The following FGGY variants were observed in gnomAD, a reference collection of about 807,000 sequenced individuals.
FGGY encodes FGGY carbohydrate kinase domain containing, also known as FGGY carbohydrate kinase domain-containing protein.
Under a neutral mutation model 71.3 loss-of-function variants are expected in FGGY, and 72 were observed. The observed-to-expected ratio is 1.01, with a 90% CI of 0.84 to 1.23. The LOEUF (loss-of-function observed/expected upper bound fraction) is 1.23. Ranked by LOEUF, FGGY falls within the 50% of genes most tolerant of loss-of-function variation. The pLI is 0.00. For synonymous variants in FGGY, 251 were observed against 250.3 expected (o/e 1.00, Z -0.02); for missense variants, 668 against 682.3 (o/e 0.98, Z 0.23).
At position 59,499,299 on chromosome 1, in the gene FGGY, G is replaced by GTTTTTTTTTTTTTTT. The variant is rs58170089; in HGVS notation, c.671-13010_671-12996dup. ...ACTGAACCCTATGTATACTATGTTT[G>GTTTTTTTTTTTTTTT]TTTTTTTTTTTTTTTTGATCTGGTA... On this transcript the variant is annotated intron_variant, in intron 6 of 15. Transcript: ENST00000303721. Among the ~76,000 whole-genome samples the GTTTTTTTTTTTTTTT allele has an allele frequency of 4.3e-3, 454 of 105,718 alleles. 43 individuals are homozygous for GTTTTTTTTTTTTTTT. Among genetic ancestry groups the GTTTTTTTTTTTTTTT allele is most frequent in the African/African-American group, 9.7e-3 (248 of 25,446 alleles). The allele number at this position is 105,718 out of a possible 152,430, so 69.4% of individuals were successfully genotyped here. A position where few individuals can be genotyped will look rare whatever the true frequency, so the allele number is the denominator to read the frequency against.
chr1:59,362,945 A>C (rs544948702), intron 4 of FGGY, among the ~76,000 whole-genome samples: 2 of 152,322 alleles, frequency 1.3e-5, no homozygotes, highest in South Asian at 4.1e-4. Context: ...TTGCAAAGTC[A>C]AGAAATATTT....
intron 3 of FGGY, among the ~76,000 whole-genome samples, chr1:59,340,820 C>T (rs1229649996): frequency 1.3e-5 from 2 of 152,082 alleles, no homozygotes; most frequent in Non-Finnish European, 2.9e-5. Context: ...TGAGAAAAAC[C>T]ACTGCACCTG....
chr1:59,545,405 T>C (rs2095505608), intron 7 of FGGY, among the ~76,000 whole-genome samples: 1 of 152,188 alleles, frequency 6.6e-6, no homozygotes, highest in Non-Finnish European at 1.5e-5. Flanking sequence ...GTGAGTTAAC[T>C]TGGCTGTTTG....
At position 59,543,684 on chromosome 1, in the gene FGGY, AT is replaced by A. The variant is rs772974797; in HGVS notation, c.800-10432del. Among the ~76,000 whole-genome samples, 300 of 151,538 alleles carry A rather than the reference AT, an allele frequency of 2.0e-3. 3 individuals are homozygous for A. The highest frequency in any genetic ancestry group is 2.8e-3 in the Non-Finnish European group (192 of 67,894). ...GAAGAGAGCTAGCCTGCTAATTAAT[AT>A]TTTTTTTCCTTAAATTTCAGGCTTT... On this transcript the variant is annotated intron_variant, in intron 7 of 15. Coordinates refer to ENST00000303721, the MANE Select transcript of FGGY (RefSeq NM_018291.5).
chr1:59,709,232 G>A (rs1300410271), intron 14 of FGGY, among the ~76,000 whole-genome samples: 3 of 152,162 alleles, frequency 2.0e-5, no homozygotes, highest in Non-Finnish European at 4.4e-5. Flanking sequence ...CAATCATGGT[G>A]GAAGGTAAAG....
At chr1:59,461,058 C>T (rs570772132) in intron 6 of FGGY, among the ~76,000 whole-genome samples, 34 of 152,246 alleles carry the variant, frequency 2.2e-4, no homozygotes, top group South Asian at 8.3e-4. Context: ...CAAAGCTGGA[C>T]GGAGAATGAC....
chr1:59,317,470 A>G (rs1047739696), intron 1 of FGGY, among the ~76,000 whole-genome samples: 8 of 152,334 alleles, frequency 5.3e-5, no homozygotes, highest in South Asian at 2.1e-4. Flanking sequence ...TTTACTTTAC[A>G]AACTAGAAAA....
intron 5 of FGGY, among the ~76,000 whole-genome samples, chr1:59,423,319 CT>C (rs2065776467): frequency 1.3e-5 from 2 of 151,834 alleles, no homozygotes; most frequent in African/African-American, 4.8e-5. Context: ...TCACCCATAT[CT>C]GATTTTTTTT....
Position 59,626,016 on chromosome 1 carries a change from C to A in FGGY, c.1040C>A (p.Ala347Asp), listed in dbSNP as rs768108754. 1 of 1,613,554 alleles carries A rather than the reference C, an allele frequency of 6.2e-7. No homozygotes were observed. The highest frequency in any genetic ancestry group is 2.2e-5 in the East Asian group (1 of 44,858). ...LIDHMVQGHA[A>D]FPELQVKATA... Reference sequence around the variant, plus strand: ...GACCACATGGTACAAGGCCATGCTGCTTTTCCAGAACTACAAGTAAAGGCC... The same window carrying A: ...GACCACATGGTACAAGGCCATGCTGATTTTCCAGAACTACAAGTAAAGGCC... The change falls in exon 10 of 16, where the codon GCT (alanine) becomes GAT (aspartate). Residue 347 changes from alanine to aspartate, a missense_variant. By Grantham distance (126) the Ala-to-Asp change is moderately radical. Around this residue, in one of 2 missense-constraint regions of FGGY, gnomAD observed 661 missense variants for 661.6 expected, o/e 1.00. Coordinates refer to ENST00000303721, the MANE Select transcript of FGGY (RefSeq NM_018291.5).
At chr1:59,590,601 G>T (rs2153788676) in intron 8 of FGGY, among the ~76,000 whole-genome samples, 1 of 152,242 alleles carries the variant, frequency 6.6e-6, no homozygotes. Context: ...TGATCAAGTG[G>T]GCTTCATCCC....
chr1:59,704,129 G>A (rs576832719), intron 14 of FGGY, among the ~76,000 whole-genome samples: 31 of 152,158 alleles, frequency 2.0e-4, no homozygotes, highest in Non-Finnish European at 4.0e-4. Flanking sequence ...GTTCAGATGT[G>A]TGAGCACTTA....
intron 9 of FGGY, among the ~76,000 whole-genome samples, chr1:59,619,933 T>G (rs1043392959): frequency 1.3e-5 from 2 of 151,984 alleles, no homozygotes; most frequent in African/African-American, 2.4e-5. Flanking sequence ...ATTTTGGATA[T>G]ATTTTGAAGG....
intron 4 of FGGY, among the ~76,000 whole-genome samples, chr1:59,365,593 G>A (rs935333801): frequency 1.3e-5 from 2 of 152,142 alleles, no homozygotes; most frequent in Non-Finnish European, 2.9e-5. Flanking sequence ...TCAAACATTG[G>A]GCTGGGCATT....
chr1:59,574,950 T>G (rs531764736), intron 8 of FGGY, among the ~76,000 whole-genome samples: 171 of 152,324 alleles, frequency 1.1e-3, no homozygotes, highest in African/African-American at 4.0e-3. Context: ...TTTTATGGTT[T>G]TTAAAAAGTG....
At position 59,647,184 on chromosome 1, in the gene FGGY, GT is replaced by G. The variant is rs548220217; in HGVS notation, c.1221+8810del. ...GAGGACCAAGGATAGAGTCCATTGT[GT>G]ATAATCTTGGTGTGCAGACCCAAGA... is the stretch of plus-strand genomic sequence containing the variant. On this transcript the variant is annotated intron_variant, in intron 11 of 15. Transcript: ENST00000303721. 3.5e-4 allele frequency among the ~76,000 whole-genome samples: 54 copies of G among 152,316 alleles called. 1 individual carries two copies. The highest frequency in any genetic ancestry group is 1.2e-3 in the African/African-American group (51 of 41,568).
chr1:59,413,942 T>C (rs1266309315), intron 5 of FGGY, among the ~76,000 whole-genome samples: 1 of 152,086 alleles, frequency 6.6e-6, no homozygotes, highest in South Asian at 2.1e-4. Flanking sequence ...GCCTGGGCAA[T>C]AGAGTGAGAT....
chr1:59,637,315 C>T (rs1208847504), intron 10 of FGGY, among the ~76,000 whole-genome samples: 1 of 152,076 alleles, frequency 6.6e-6, no homozygotes, highest in African/African-American at 2.4e-5. Flanking sequence ...CCTCATTCTA[C>T]ACATGAAGAA....
At chr1:59,539,389 G>A (rs115209696) in intron 7 of FGGY, among the ~76,000 whole-genome samples, 1 of 152,138 alleles carries the variant, frequency 6.6e-6, no homozygotes, top group South Asian at 2.1e-4. Context: ...ATTAAGAATG[G>A]TATTGAGGGA....
At chr1:59,698,805 G>C in intron 14 of FGGY, 2 of 985,382 alleles carry the variant, frequency 2.0e-6, no homozygotes, top group Non-Finnish European at 2.4e-6. Context: ...TTGAGTGCGT[G>C]TACTTAATTT....
Sources: gnomAD v4.1 joint callset for allele counts (sites outside exome capture counted in the v4.1 genomes callset) on GRCh38, gnomAD v4.1.1 for gene constraint, gnomAD v4.1.1 regional missense constraint, MANE v1.5 for transcripts, NCBI Gene and HGNC (gene_info 2026-07-23, HGNC 2026-07-21) for gene names.